ST6GALNAC3: variants seen among roughly 807,000 people sequenced by gnomAD.
ST6GALNAC3 encodes the protein ST6 N-acetylgalactosaminide alpha-2,6-sialyltransferase 3.
ST6GALNAC3 carries 25 observed loss-of-function variants against 32.7 expected under a neutral mutation model. That is an observed-to-expected ratio of 0.76 (90% CI 0.56 to 1.07). The LOEUF is 1.07. ST6GALNAC3 is among the 50% of genes least tolerant of loss of function. ST6GALNAC3 has a pLI of 0.00. For synonymous variants in ST6GALNAC3, 129 were observed against 133.1 expected (o/e 0.97, Z 0.21); for missense variants, 355 against 382.4 (o/e 0.93, Z 0.60).
At chr1:76,506,301 G>A (rs1661474659) in intron 3 of ST6GALNAC3, among the ~76,000 whole-genome samples, 1 of 152,160 alleles carries the variant, frequency 6.6e-6, no homozygotes, top group Admixed American at 6.5e-5. Flanking sequence ...ATCCCAGGAA[G>A]GAAGGAATCT....
At chr1:76,453,295 G>C (rs1657538834) in intron 3 of ST6GALNAC3, among the ~76,000 whole-genome samples, 1 of 151,684 alleles carries the variant, frequency 6.6e-6, no homozygotes, top group African/African-American at 2.4e-5. Context: ...TTTGGATCTT[G>C]GTTATTTCCT....
chr1:76,125,472 C>T, intron 1 of ST6GALNAC3, among the ~76,000 whole-genome samples: 1 of 152,176 alleles, frequency 6.6e-6, no homozygotes, highest in East Asian at 1.9e-4. Flanking sequence ...TCTGACCCCT[C>T]CTCCACCTCT....
chr1:76,521,078 A>C (rs1662501277), intron 3 of ST6GALNAC3, among the ~76,000 whole-genome samples: 1 of 151,964 alleles, frequency 6.6e-6, no homozygotes, highest in Non-Finnish European at 1.5e-5. Flanking sequence ...CAATTCTTTT[A>C]ATGCCTAAGA....
chr1:76,443,125 A>G (rs1161712008), intron 3 of ST6GALNAC3, among the ~76,000 whole-genome samples: 1 of 151,924 alleles, frequency 6.6e-6, no homozygotes, highest in Non-Finnish European at 1.5e-5. Flanking sequence ...TTAGTGATAG[A>G]CTTCTTCTTC....
At position 76,633,190 on chromosome 1, in the gene ST6GALNAC3, C is replaced by A. The variant is rs1173175364; in HGVS notation, c.*4384C>A. On this transcript the variant is annotated 3_prime_UTR_variant, in exon 5 of 5. Coordinates refer to ENST00000328299, the MANE Select transcript of ST6GALNAC3 (RefSeq NM_152996.4). ...AGTACTGAGACTCAAATTCTTGTCT[C>A]ATGTTTTCTTCTCTAGTGCTTTTTC... 6.6e-6 allele frequency: 1 copy of A among 152,136 alleles called. No homozygotes were observed. Among genetic ancestry groups the A allele is most frequent in the Non-Finnish European group, 1.5e-5 (1 of 68,024 alleles). 9.4% of individuals were successfully genotyped at this position (152,136 alleles called of 1,614,324 possible).
At chr1:76,075,675 C>T (rs545590895) in intron 1 of ST6GALNAC3, among the ~76,000 whole-genome samples, 3 of 151,280 alleles carry the variant, frequency 2.0e-5, no homozygotes, top group African/African-American at 7.2e-5. Context: ...TTAAAAAGAA[C>T]TTTCCATCCC....
chr1:76,112,450 C>A (rs1245220656), intron 1 of ST6GALNAC3, among the ~76,000 whole-genome samples: 1 of 148,712 alleles, frequency 6.7e-6, no homozygotes, highest in Non-Finnish European at 1.5e-5. Context: ...CCGGACGGGG[C>A]GGCTGGCCGG....
At chr1:76,151,680 C>T (rs1570210354) in intron 1 of ST6GALNAC3, among the ~76,000 whole-genome samples, 1 of 152,172 alleles carries the variant, frequency 6.6e-6, no homozygotes, top group East Asian at 1.9e-4. Flanking sequence ...GGAGGTTCTG[C>T]TGGCCAGAGA....
chr1:76,319,805 CT>C (rs1304176170), intron 2 of ST6GALNAC3, among the ~76,000 whole-genome samples: 2 of 152,144 alleles, frequency 1.3e-5, no homozygotes, highest in African/African-American at 4.8e-5. Context: ...AACTTTGTGA[CT>C]TTTTACCACC....
At chr1:76,600,118 G>A (rs1647199876) in intron 3 of ST6GALNAC3, among the ~76,000 whole-genome samples, 1 of 151,908 alleles carries the variant, frequency 6.6e-6, no homozygotes, top group Non-Finnish European at 1.5e-5. Flanking sequence ...ATGAGCGTGG[G>A]GTCCTCACGA....
intron 1 of ST6GALNAC3, 80 bp downstream of exon 1, chr1:76,074,964 C>T (rs1334298857): frequency 2.0e-6 from 3 of 1,514,448 alleles, no homozygotes; most frequent in South Asian, 1.2e-5. Context: ...GCCGCGGTCC[C>T]ACCGCATCCT....
chr1:76,281,746 G>A (rs1462261032), intron 1 of ST6GALNAC3, among the ~76,000 whole-genome samples: 1 of 152,164 alleles, frequency 6.6e-6, no homozygotes, highest in Non-Finnish European at 1.5e-5. Context: ...AGTTCACTTT[G>A]CTACTCGATT....
Position 76,634,205 on chromosome 1 carries a change from C to A in ST6GALNAC3, c.*5399C>A. On this transcript the variant is annotated 3_prime_UTR_variant, in exon 5 of 5. Coordinates refer to ENST00000328299, the MANE Select transcript of ST6GALNAC3 (RefSeq NM_152996.4). ...TTCCTTCCATAAAGGTGAAGAACAT[C>A]TTGATGAATAAACAGTCAACTACCA... 1.0e-6 allele frequency: 1 copy of A among 973,688 alleles called. No individual in the cohort carries two copies. The highest frequency in any genetic ancestry group is 1.2e-6 in the Non-Finnish European group (1 of 819,338). The allele number at this position is 973,688 out of a possible 1,614,324, so 60.3% of individuals were successfully genotyped here. A position where few individuals can be genotyped will look rare whatever the true frequency, so the allele number is the denominator to read the frequency against.
chr1:76,607,628 G>T (rs547096619), intron 3 of ST6GALNAC3, among the ~76,000 whole-genome samples: 115 of 152,256 alleles, frequency 7.6e-4, no homozygotes, highest in African/African-American at 2.7e-3. Flanking sequence ...AAGAATTTTA[G>T]GACCTCTCTG....
chr1:76,139,411 AAC>A (rs34648991), intron 1 of ST6GALNAC3, among the ~76,000 whole-genome samples: 14,603 of 151,510 alleles, frequency 0.096, 824 homozygotes, highest in Non-Finnish European at 0.13. Flanking sequence ...CACACATATA[AAC>A]ACACACACAC....
intron 1 of ST6GALNAC3, among the ~76,000 whole-genome samples, chr1:76,182,032 G>C (rs1459159366): frequency 6.6e-6 from 1 of 152,092 alleles, no homozygotes; most frequent in Non-Finnish European, 1.5e-5. Flanking sequence ...ATCACCCTGT[G>C]TTATCAGCAA....
intron 1 of ST6GALNAC3, among the ~76,000 whole-genome samples, chr1:76,285,385 G>GGTGTGTGTGTGTGTGTGTGTGTGTGT (rs140357874): frequency 3.4e-5 from 5 of 148,472 alleles, no homozygotes; most frequent in Middle Eastern, 3.5e-3. Flanking sequence ...TCGGGAGGAT[G>GGTGTGTGTGTGTGTGTGTGTGTGTGT]GTGTGTGTGT....
intron 2 of ST6GALNAC3, among the ~76,000 whole-genome samples, chr1:76,345,733 G>C (rs1309818165): frequency 1.3e-5 from 2 of 152,000 alleles, no homozygotes; most frequent in Non-Finnish European, 2.9e-5. Flanking sequence ...ATGGGGATCT[G>C]CTCCCCACCC....
intron 3 of ST6GALNAC3, among the ~76,000 whole-genome samples, chr1:76,515,378 CTT>C (rs904842824): frequency 1.3e-5 from 2 of 151,910 alleles, no homozygotes; most frequent in African/African-American, 2.4e-5. Flanking sequence ...AAAACCAACT[CTT>C]TTGTTGTTTT....
Sources: allele counts gnomAD v4.1 joint callset (sites outside exome capture counted in the v4.1 genomes callset), GRCh38; gene constraint gnomAD v4.1.1; transcripts MANE v1.5; gene names NCBI Gene and HGNC (gene_info 2026-07-23, HGNC 2026-07-21).